FATE1: variants seen among roughly 807,000 people sequenced by gnomAD.
FATE1 encodes the protein fetal and adult testis-expressed transcript protein.
Under a neutral mutation model 16.0 loss-of-function variants are expected in FATE1, and 18 were observed. That is an observed-to-expected ratio of 1.12 (90% CI 0.78 to 1.66). FATE1 has a LOEUF of 1.66. FATE1 is among the 40% of genes most tolerant of loss of function. The pLI is 0.00. For missense variants in FATE1, 169 were observed against 152.7 expected, an observed-to-expected ratio of 1.11 and a Z score of -0.56; for synonymous variants, 76 against 56.9, an observed-to-expected ratio of 1.34 and a Z score of -1.51.
chrX:151,717,416 T>C lies in FATE1; in HGVS notation c.234+17T>C. The C allele has an allele frequency of 8.4e-7, 1 of 1,191,337 alleles. No homozygotes were observed. Among genetic ancestry groups the C allele is most frequent in the Non-Finnish European group, 1.1e-6 (1 of 882,688 alleles). On this transcript the variant is annotated intron_variant, in intron 2 of 4. Transcript: ENST00000370350. ...AAGAAAATGGTACTGTATGGGGTCC[T>C]CAGCACTTGGTGGCCAGGTTGGGGT...
chrX:151,722,489 C>T lies in FATE1; in HGVS notation c.421-139C>T, dbSNP rs1006219046. The T allele has an allele frequency of 5.4e-6, 5 of 931,801 alleles. No homozygotes were observed. In the African/African-American group the frequency reaches 7.8e-5, roughly 15 times the overall value. The allele number at this position is 931,801 out of a possible 1,213,427, so 76.8% of individuals were successfully genotyped here. On this transcript the variant is annotated intron_variant, in intron 4 of 4. Coordinates refer to ENST00000370350, the MANE Select transcript of FATE1 (RefSeq NM_033085.3). Reference sequence around the variant, plus strand: ...GGACCTGGCCCAGCCTCCTGCTTCTCACTAGGGGCGCTCCCCGCTCCACCG... The same window carrying T: ...GGACCTGGCCCAGCCTCCTGCTTCTTACTAGGGGCGCTCCCCGCTCCACCG...
At chrX:151,720,484 G>A (rs1289936550) in intron 2 of FATE1, among the ~76,000 whole-genome samples, 1 of 112,108 alleles carries the variant, frequency 8.9e-6, no homozygotes, top group Non-Finnish European at 1.9e-5. Flanking sequence ...TAATGGCTGA[G>A]AGTATAACCT....
Position 151,716,212 on chromosome X carries a change from C to A in FATE1, c.93C>A (p.His31Gln), listed in dbSNP as rs1363515397. 29 of 1,165,618 alleles carry A rather than the reference C, an allele frequency of 2.5e-5. No homozygotes were observed. The highest frequency in any genetic ancestry group is 3.2e-5 in the Non-Finnish European group (28 of 872,114). ...GACGCCAAGGGGAAAACCAAGAGCA[C>A]CTGGTGATAGCAGGTGAGGATCCCC... ...NHGRQGENQE[H>Q]LVIAEMMELG... is the part of the protein sequence containing the mutation. Residue 31 changes from histidine to glutamine, a missense_variant, in exon 1 of 5, where the codon CAC becomes CAA. Physicochemically the swap from His to Gln is conservative, Grantham distance 24. Coordinates refer to ENST00000370350, the MANE Select transcript of FATE1 (RefSeq NM_033085.3).
Position 151,721,898 on chromosome X carries a change from C to T in FATE1, c.342-5C>T, listed in dbSNP as rs2015119483. On this transcript the variant is annotated splice_polypyrimidine_tract_variant and splice_region_variant and intron_variant, in intron 3 of 4. Transcript: ENST00000370350. ...CTTTGACCATCTGTCTTTTTTCTCT[C>T]CCAGCAACCCAGGGACAGATGCAGT... The T allele has an allele frequency of 8.3e-7, 1 of 1,209,537 alleles. No individual in the cohort carries two copies. The highest frequency in any genetic ancestry group is 3.0e-5 in the East Asian group (1 of 33,801).
Position 151,717,171 on chromosome X carries a change from A to C in FATE1, c.107-101A>C, listed in dbSNP as rs776000781. The stretch of plus-strand genomic sequence containing the variant: ...GTTAATGGGTGCTGAGTGATTCCCA[A>C]GAAAGCTGGAGACTCTGTCTTCTTT... On this transcript the variant is annotated intron_variant, in intron 1 of 4. Transcript: ENST00000370350. 3.4e-5 allele frequency: 34 copies of C among 1,014,000 alleles called. No homozygotes were observed. The South Asian group carries it at 6.8e-4, about 20-fold the overall frequency. 83.6% of individuals were successfully genotyped at this position (1,014,000 alleles called of 1,213,427 possible).
chrX:151,721,299 G>C, intron 2 of FATE1, 96 bp from the exon 3 acceptor site: 1 of 744,215 alleles, frequency 1.3e-6, no homozygotes, highest in Non-Finnish European at 2.1e-6. Context: ...GGCACCATGT[G>C]ATTCCCCATG....
At chrX:151,718,180 GA>G (rs2015081786) in intron 2 of FATE1, among the ~76,000 whole-genome samples, 1 of 99,346 alleles carries the variant, frequency 1.0e-5, no homozygotes, top group Non-Finnish European at 2.0e-5. Context: ...AAGGGGAAAA[GA>G]AAGGAAAAGG....
intron 2 of FATE1, among the ~76,000 whole-genome samples, chrX:151,720,971 T>A (rs2015110303): frequency 8.9e-6 from 1 of 112,124 alleles, no homozygotes; most frequent in South Asian, 3.7e-4. Flanking sequence ...GTAGCCAGGG[T>A]TCTAGCCTTA....
intron 2 of FATE1, among the ~76,000 whole-genome samples, chrX:151,718,868 G>A (rs1405797342): frequency 8.9e-6 from 1 of 112,339 alleles, no homozygotes; most frequent in Admixed American, 9.4e-5. Flanking sequence ...GGTTGGAGAG[G>A]GAGGGAGACT....
chrX:151,717,241 G>T (rs755231513), intron 1 of FATE1, 31 bp from the exon 2 acceptor site: 2 of 1,191,535 alleles, frequency 1.7e-6, no homozygotes, highest in Admixed American at 4.4e-5. Flanking sequence ...ACTTCTATGG[G>T]TGCTCCTGGA....
chrX:151,716,389 GGGGAAAA>G (rs763280436), intron 1 of FATE1, among the ~76,000 whole-genome samples, 164 bp downstream of exon 1: 1 of 112,242 alleles, frequency 8.9e-6, no homozygotes, highest in African/African-American at 3.2e-5. Context: ...AAGGGAGCTA[GGGGAAAA>G]GGGATAGATG....
At position 151,722,943 on chromosome X, in the gene FATE1, T is replaced by C. The variant is rs1156432795; in HGVS notation, c.*184T>C. 3.8e-6 allele frequency: 2 copies of C among 524,033 alleles called. No homozygotes were observed. The highest frequency in any genetic ancestry group is 3.6e-5 in the South Asian group (1 of 27,988). 43.2% of individuals were successfully genotyped at this position (524,033 alleles called of 1,213,427 possible). A position where few individuals can be genotyped will look rare whatever the true frequency, so the allele number is the denominator to read the frequency against. The stretch of plus-strand genomic sequence containing the variant: ...GCCAGGTCACTGCACTGGGAGGTCC[T>C]GGCTGCTGCGAAGCTGGAGGAGGAC... On this transcript the variant is annotated 3_prime_UTR_variant, in exon 5 of 5. Coordinates refer to ENST00000370350, the MANE Select transcript of FATE1 (RefSeq NM_033085.3).
At chrX:151,721,052 A>T in intron 2 of FATE1, among the ~76,000 whole-genome samples, 1 of 112,769 alleles carries the variant, frequency 8.9e-6, no homozygotes, top group Non-Finnish European at 1.9e-5. Context: ...TGGGCTGCCA[A>T]TCAAGGTTTT....
At position 151,716,065 on chromosome X, in the gene FATE1, T is replaced by C. The variant is rs1375434937; in HGVS notation, c.-55T>C. Reference sequence around the variant, plus strand: ...TGATTTTCTGAGTGTGACTCCTCTGTTCCTGGCACCCTGTGCATCCTTAGC... The same window carrying C: ...TGATTTTCTGAGTGTGACTCCTCTGCTCCTGGCACCCTGTGCATCCTTAGC... On this transcript the variant is annotated 5_prime_UTR_variant, in exon 1 of 5. Coordinates refer to ENST00000370350, the MANE Select transcript of FATE1 (RefSeq NM_033085.3). 9 of 1,047,964 alleles carry C rather than the reference T, an allele frequency of 8.6e-6. No individual in the cohort carries two copies. The highest frequency in any genetic ancestry group is 1.2e-5 in the Non-Finnish European group (9 of 773,490). The allele number at this position is 1,047,964 out of a possible 1,213,427, so 86.4% of individuals were successfully genotyped here.
rs930173640 is a variant in FATE1 at position 151,716,169 on chromosome X, C to G, written c.50C>G (p.Ala17Gly). The G allele has an allele frequency of 9.4e-6, 11 of 1,166,174 alleles. No homozygotes were observed. The highest frequency in any genetic ancestry group is 1.1e-5 in the Non-Finnish European group (10 of 872,708). The change falls in exon 1 of 5, where the codon GCA (alanine) becomes GGA (glycine). Residue 17 changes from alanine (A) to glycine (G), a missense_variant. Physicochemically the swap from Ala to Gly is moderately conservative, Grantham distance 60 (BLOSUM62 0). Coordinates refer to ENST00000370350, the MANE Select transcript of FATE1 (RefSeq NM_033085.3). ...AAGGCGGAGATGGAAATGTCCCTGGCAGAAGAACTGAATCATGGACGCCAA... is the reference window on the plus strand; with the variant it reads ...AAGGCGGAGATGGAAATGTCCCTGGGAGAAGAACTGAATCATGGACGCCAA... The part of the protein sequence containing the change: ...NTKAEMEMSL[A>G]EELNHGRQGE...
chrX:151,722,664 G>T lies in FATE1; in HGVS notation c.457G>T (p.Glu153Ter). The part of the protein sequence containing the change: ...AVNRRLRALE[E>*]QGATWRHRET... Reference sequence around the variant, plus strand: ...CAACCGGCGTCTGCGCGCCCTGGAGGAACAGGGCGCCACCTGGCGCCACAG... The same window carrying T: ...CAACCGGCGTCTGCGCGCCCTGGAGTAACAGGGCGCCACCTGGCGCCACAG... The change falls in exon 5 of 5, where the codon GAA (glutamate) becomes TAA (stop). Residue 153 changes from glutamate (E) to a stop codon, truncating the protein, a stop_gained. Coordinates refer to ENST00000370350, the MANE Select transcript of FATE1 (RefSeq NM_033085.3). LOFTEE classifies it high-confidence loss of function. 8.3e-7 allele frequency: 1 copy of T among 1,211,907 alleles called. No individual in the cohort carries two copies. The highest frequency in any genetic ancestry group is 1.1e-6 in the Non-Finnish European group (1 of 895,154).
In FATE1 at chrX:151,721,995, C is replaced by CT. The variant is rs1289217338; in HGVS notation, c.420+14_420+15insT. On this transcript the variant is annotated intron_variant, in intron 4 of 4. Coordinates refer to ENST00000370350, the MANE Select transcript of FATE1 (RefSeq NM_033085.3). The stretch of plus-strand genomic sequence containing the variant: ...ATGAGAAGACAGGTGAGGAGGGACC[C>CT]AATCGGTGGGTGCAAGCAGAATCAC... 9 of 1,197,429 alleles carry CT rather than the reference C, an allele frequency of 7.5e-6. No homozygotes were observed. Among genetic ancestry groups the CT allele is most frequent in the Non-Finnish European group, 1.0e-5 (9 of 885,497 alleles).
At chrX:151,722,002 T>C in intron 4 of FATE1, 21 bp downstream of exon 4, 1 of 1,188,550 alleles carries the variant, frequency 8.4e-7, no homozygotes, top group Non-Finnish European at 1.1e-6. Context: ...ACCCAATCGG[T>C]GGGTGCAAGC....
chrX:151,716,990 G>T (rs1363800769), intron 1 of FATE1, among the ~76,000 whole-genome samples: 1 of 111,930 alleles, frequency 8.9e-6, no homozygotes, highest in East Asian at 2.8e-4. Flanking sequence ...TACACAAACA[G>T]ATGGTCAGTT....
Sources: gnomAD v4.1 joint callset for allele counts (sites outside exome capture counted in the v4.1 genomes callset) on GRCh38, gnomAD v4.1.1 for gene constraint, MANE v1.5 for transcripts, NCBI Gene and HGNC (gene_info 2026-07-23, HGNC 2026-07-21) for gene names.